Variants in RAB21 observed in about 807,000 individuals in gnomAD.
RAB21 encodes RAB21, member RAS oncogene family.
A neutral mutation model predicts 33.1 loss-of-function variants in RAB21; 13 were observed. That is an observed-to-expected ratio of 0.39 (90% CI 0.26 to 0.62). RAB21 has a LOEUF of 0.62. RAB21 is among the 20% of genes least tolerant of loss of function. The pLI is 0.48. For missense variants in RAB21, 234 were observed against 279.1 expected, an observed-to-expected ratio of 0.84 and a Z score of 1.15; for synonymous variants, 91 against 103.7, an observed-to-expected ratio of 0.88 and a Z score of 0.74.
At chr12:71,760,976 G>A (rs542867736) in intron 1 of RAB21, among the ~76,000 whole-genome samples, 1 of 152,034 alleles carries the variant, frequency 6.6e-6, no homozygotes, top group East Asian at 1.9e-4. Flanking sequence ...AGGATGAGGT[G>A]GGAGGATTGC....
chr12:71,756,552 T>A (rs181722213), intron 1 of RAB21, among the ~76,000 whole-genome samples: 1 of 152,356 alleles, frequency 6.6e-6, no homozygotes, highest in East Asian at 1.9e-4. Flanking sequence ...CCATGTTCTA[T>A]TTTTACTCCT....
chr12:71,771,009 G>T lies in RAB21; in HGVS notation c.327+310G>T, dbSNP rs909043526. ...AATTGAGCTTCAGAAAAATATGGGG[G>T]CTTTTGTTTTTCCCTCTTAAGGAAA... is the stretch of plus-strand genomic sequence containing the variant. On this transcript the variant is annotated intron_variant, in intron 3 of 6. Transcript: ENST00000261263. Among the ~76,000 whole-genome samples, 3 of 152,090 alleles carry T rather than the reference G, an allele frequency of 2.0e-5. No homozygotes were observed. The South Asian group carries it at 6.2e-4, about 32-fold the overall frequency.
intron 6 of RAB21, among the ~76,000 whole-genome samples, chr12:71,783,862 C>T (rs180816947): frequency 2.0e-4 from 31 of 152,224 alleles, no homozygotes; most frequent in Admixed American, 4.6e-4. Context: ...CCCTCCCTCC[C>T]TCCCTTCCTT....
At position 71,762,753 on chromosome 12, in the gene RAB21, T is replaced by G. The variant is rs1882896234; in HGVS notation, c.160-7047T>G. ...GCCCACCATCACGCCTGGCTAATTT[T>G]ATATTTTTAGTAGAGATGGGGTTTC... On this transcript the variant is annotated intron_variant, in intron 1 of 6. Transcript: ENST00000261263. Among the ~76,000 whole-genome samples, 3 of 152,112 alleles carry G rather than the reference T, an allele frequency of 2.0e-5. No individual in the cohort carries two copies. In the South Asian group the frequency reaches 6.2e-4, roughly 32 times the overall value.
At chr12:71,763,049 A>G (rs1882901490) in intron 1 of RAB21, among the ~76,000 whole-genome samples, 1 of 151,728 alleles carries the variant, frequency 6.6e-6, no homozygotes, top group Admixed American at 6.6e-5. Flanking sequence ...CATTATTTAA[A>G]TACTTAAGCC....
rs959212396 is a variant in RAB21 at position 71,793,253 on chromosome 12, CCA to C, written c.*7585_*7586del. 10 of 152,114 alleles carry C rather than the reference CCA, an allele frequency of 6.6e-5. No homozygotes were observed. Among genetic ancestry groups the C allele is most frequent in the African/African-American group, 2.2e-4 (9 of 41,416 alleles). The allele number at this position is 152,114 out of a possible 1,614,324, so 9.4% of individuals were successfully genotyped here. The stretch of plus-strand genomic sequence containing the variant: ...GCCTTTGACAGATGTGGCCTTGTCA[CCA>C]CACAGTAAGCCAGAACACAATCCAT... On this transcript the variant is annotated 3_prime_UTR_variant, in exon 7 of 7. Coordinates refer to ENST00000261263, the MANE Select transcript of RAB21 (RefSeq NM_014999.4).
rs1005541115 is a variant in RAB21, at chr12:71,785,973, C to G, written c.*300C>G. 10 of 215,154 alleles carry G rather than the reference C, an allele frequency of 4.6e-5. No individual in the cohort carries two copies. The Admixed American group carries it at 5.0e-4, about 11-fold the overall frequency. The allele number at this position is 215,154 out of a possible 1,614,324, so 13.3% of individuals were successfully genotyped here. A position where few individuals can be genotyped will look rare whatever the true frequency, so the allele number is the denominator to read the frequency against. ...CTGGAGTGCACTGGCTTGATCTCGG[C>G]TCACTGCAAGCTCCACCTCCCAGGT... On this transcript the variant is annotated 3_prime_UTR_variant, in exon 7 of 7. Transcript: ENST00000261263.
chr12:71,781,168 A>G (rs1340924946), intron 4 of RAB21, among the ~76,000 whole-genome samples: 1 of 152,166 alleles, frequency 6.6e-6, no homozygotes, highest in Non-Finnish European at 1.5e-5. Context: ...TGTTTTTTAA[A>G]CAAAGAATAC....
chr12:71,758,560 C>T (rs1360670539), intron 1 of RAB21, among the ~76,000 whole-genome samples: 1 of 151,518 alleles, frequency 6.6e-6, no homozygotes, highest in Non-Finnish European at 1.5e-5. Flanking sequence ...TAGCTGCCTG[C>T]AGCCTCCAAC....
intron 4 of RAB21, among the ~76,000 whole-genome samples, chr12:71,776,021 G>C (rs1342515258): frequency 6.6e-6 from 1 of 152,128 alleles, no homozygotes; most frequent in African/African-American, 2.4e-5. Flanking sequence ...GAAGTAGTAG[G>C]CTACTTGGAG....
intron 1 of RAB21, among the ~76,000 whole-genome samples, chr12:71,765,051 GGTT>G (rs1465288959): frequency 2.6e-5 from 4 of 152,114 alleles, no homozygotes; most frequent in African/African-American, 7.2e-5. Flanking sequence ...TTTCTTTAGT[GGTT>G]GTTCTAGTTT....
At chr12:71,760,544 A>G (rs1882857130) in intron 1 of RAB21, among the ~76,000 whole-genome samples, 2 of 152,214 alleles carry the variant, frequency 1.3e-5, no homozygotes, top group Admixed American at 6.5e-5. Flanking sequence ...TTTATTTTAT[A>G]CTTGGTATAT....
rs1462746191 is a variant in RAB21 at position 71,773,737 on chromosome 12, T to TA, written c.328-221dup. ...TGGAAGACTGATGCAAATTTATAAT[T>TA]AGAGTTGCTTCTGTGTATTTTTCCA... On this transcript the variant is annotated intron_variant, in intron 3 of 6. Coordinates refer to ENST00000261263, the MANE Select transcript of RAB21 (RefSeq NM_014999.4). Among the ~76,000 whole-genome samples, 6 of 152,328 alleles carry TA rather than the reference T, an allele frequency of 3.9e-5. No individual in the cohort carries two copies. In the South Asian group the frequency reaches 1.0e-3, roughly 26 times the overall value.
At chr12:71,755,510 A>G (rs1191526207) in intron 1 of RAB21, among the ~76,000 whole-genome samples, 1 of 152,146 alleles carries the variant, frequency 6.6e-6, no homozygotes, top group Non-Finnish European at 1.5e-5. Context: ...AGGGCCCTGA[A>G]AAGTCCCCAG....
rs1358448970 is a variant in RAB21 at position 71,787,370 on chromosome 12, A to G, written c.*1697A>G. 1 of 152,092 alleles carries G rather than the reference A, an allele frequency of 6.6e-6. No individual in the cohort carries two copies. Among genetic ancestry groups the G allele is most frequent in the Non-Finnish European group, 1.5e-5 (1 of 68,002 alleles). The allele number at this position is 152,092 out of a possible 1,614,324, so 9.4% of individuals were successfully genotyped here. ...GATTAACATAAATTGTTCTTGTTCT[A>G]ATATATATATTTTTTCATTTCTGTC... On this transcript the variant is annotated 3_prime_UTR_variant, in exon 7 of 7. Coordinates refer to ENST00000261263, the MANE Select transcript of RAB21 (RefSeq NM_014999.4).
At chr12:71,779,926 A>G (rs1008512015) in intron 4 of RAB21, among the ~76,000 whole-genome samples, 4 of 152,270 alleles carry the variant, frequency 2.6e-5, no homozygotes, top group South Asian at 2.1e-4. Flanking sequence ...ATAGAAACTA[A>G]AAGGGTTTTT....
At chr12:71,785,235 G>T (rs1883266123) in intron 6 of RAB21, among the ~76,000 whole-genome samples, 1 of 152,118 alleles carries the variant, frequency 6.6e-6, no homozygotes, top group Admixed American at 6.5e-5. Context: ...AAATCTTAAG[G>T]ATTATACTTG....
rs1883495956 is a variant in RAB21 at position 71,798,580 on chromosome 12, GT to G, written c.*12911del. 6.6e-6 allele frequency: 1 copy of G among 152,000 alleles called. No individual in the cohort carries two copies. Among genetic ancestry groups the G allele is most frequent in the South Asian group, 2.1e-4 (1 of 4,832 alleles). The allele number at this position is 152,000 out of a possible 1,614,324, so 9.4% of individuals were successfully genotyped here. The stretch of plus-strand genomic sequence containing the variant: ...AGAAAAAGGTACAAAATTGTAAACA[GT>G]TTTCACAGAAAAGAATAAAATGATT... On this transcript the variant is annotated 3_prime_UTR_variant, in exon 7 of 7. Coordinates refer to ENST00000261263, the MANE Select transcript of RAB21 (RefSeq NM_014999.4).
rs1883493684 is a variant in RAB21, at chr12:71,798,399, A to G, written c.*12726A>G. The G allele has an allele frequency of 6.6e-6, 1 of 152,174 alleles. No homozygotes were observed. Among genetic ancestry groups the G allele is most frequent in the Admixed American group, 6.5e-5 (1 of 15,272 alleles). The allele number at this position is 152,174 out of a possible 1,614,324, so 9.4% of individuals were successfully genotyped here. A position where few individuals can be genotyped will look rare whatever the true frequency, so the allele number is the denominator to read the frequency against. On this transcript the variant is annotated 3_prime_UTR_variant, in exon 7 of 7. Coordinates refer to ENST00000261263, the MANE Select transcript of RAB21 (RefSeq NM_014999.4). Reference sequence around the variant, plus strand: ...CATGCCCAACATATAACAATAAATTATATCACTATATAAAATAAATTCCTC... The same window carrying G: ...CATGCCCAACATATAACAATAAATTGTATCACTATATAAAATAAATTCCTC...
Sources: gnomAD v4.1 joint callset for allele counts (sites outside exome capture counted in the v4.1 genomes callset) on GRCh38, gnomAD v4.1.1 for gene constraint, MANE v1.5 for transcripts, NCBI Gene and HGNC (gene_info 2026-07-23, HGNC 2026-07-21) for gene names.